PAFAH1B1: variants seen among roughly 807,000 people sequenced by gnomAD.
The protein encoded by PAFAH1B1 is platelet-activating factor acetylhydrolase IB subunit beta.
PAFAH1B1 carries 2 observed loss-of-function variants against 57.5 expected under a neutral mutation model. The observed-to-expected ratio is 0.03, with a 90% CI of 0.01 to 0.11. The LOEUF (loss-of-function observed/expected upper bound fraction) is 0.11. Ranked by LOEUF, PAFAH1B1 falls within the 10% of genes least tolerant of loss-of-function variation. The probability of loss-of-function intolerance (pLI) is 1.00; values close to 1 mark genes in which losing one functional copy is unlikely to be tolerated. For synonymous variants in PAFAH1B1, 152 were observed against 169.6 expected, an observed-to-expected ratio of 0.90 and a Z score of 0.81; for missense variants, 257 against 512.0, an observed-to-expected ratio of 0.50 and a Z score of 4.81.
chr17:2,643,046 C>T (rs74252325), intron 2 of PAFAH1B1, among the ~76,000 whole-genome samples: 24,506 of 151,880 alleles, frequency 0.16, 2,437 homozygotes, highest in South Asian at 0.24. Context: ...CTTATTTCTC[C>T]CTCTTTCTTA....
At chr17:2,681,157 C>G (rs2069378385) in intron 10 of PAFAH1B1, 1 of 152,708 alleles carries the variant, frequency 6.5e-6, no homozygotes, top group South Asian at 2.1e-4. Flanking sequence ...GTCAAAACTC[C>G]CTTGCTGATC....
intron 2 of PAFAH1B1, among the ~76,000 whole-genome samples, chr17:2,662,938 A>ACCT (rs1004873780): frequency 1.3e-5 from 2 of 150,902 alleles, no homozygotes; most frequent in Non-Finnish European, 3.0e-5. Flanking sequence ...ACATGGAGAA[A>ACCT]CCCCGTCTCT....
intron 1 of PAFAH1B1, among the ~76,000 whole-genome samples, chr17:2,615,312 A>G (rs1289253601): frequency 6.6e-6 from 1 of 152,214 alleles, no homozygotes; most frequent in Non-Finnish European, 1.5e-5. Flanking sequence ...ATAATATACA[A>G]CAACTGATAT....
intron 1 of PAFAH1B1, among the ~76,000 whole-genome samples, chr17:2,595,648 T>G (rs1470509915): frequency 6.6e-6 from 1 of 152,192 alleles, no homozygotes. Context: ...CAAATTGCAG[T>G]TTTTAATAAA....
chr17:2,676,507 TA>T lies in PAFAH1B1; in HGVS notation c.910del (p.Ser304ValfsTer29), dbSNP rs587784292. ...AATTTTTATTATGTTTTCTGTAGAC[TA>T]AAAAAAGTGGTAAACCTGGGCCATT... is the stretch of plus-strand genomic sequence containing the variant. ...SISEATGSET[K>X]KSGKPGPFLL... On this transcript the variant is annotated frameshift_variant, in exon 9 of 11. Transcript: ENST00000397195. LOFTEE classifies it high-confidence loss of function. 5.6e-6 allele frequency: 9 copies of T among 1,601,982 alleles called. No individual in the cohort carries two copies. Among genetic ancestry groups the T allele is most frequent in the Non-Finnish European group, 7.7e-6 (9 of 1,169,680 alleles).
At chr17:2,680,120 A>G in intron 9 of PAFAH1B1, 44 bp from the exon 10 acceptor site, 1 of 1,561,728 alleles carries the variant, frequency 6.4e-7, no homozygotes, top group African/African-American at 1.4e-5. Context: ...TGCTATTTAA[A>G]CATTTTGCCT....
chr17:2,637,798 T>G (rs1008462832), intron 1 of PAFAH1B1, among the ~76,000 whole-genome samples: 4 of 152,212 alleles, frequency 2.6e-5, no homozygotes, highest in Non-Finnish European at 5.9e-5. Flanking sequence ...ATTACATTCG[T>G]TTAGAGTTAC....
chr17:2,656,107 G>A (rs890681885), intron 2 of PAFAH1B1, among the ~76,000 whole-genome samples: 1 of 151,990 alleles, frequency 6.6e-6, no homozygotes, highest in Admixed American at 6.6e-5. Context: ...TGTATTTTTA[G>A]TAGAGACGGG....
chr17:2,649,166 G>A (rs1465948293), intron 2 of PAFAH1B1, among the ~76,000 whole-genome samples: 1 of 147,972 alleles, frequency 6.8e-6, no homozygotes, highest in Admixed American at 6.8e-5. Context: ...GCAGTGAGGC[G>A]AGATCATGCC....
rs148223605 is a variant in PAFAH1B1, at chr17:2,655,048, C to T, written c.33-10324C>T. On this transcript the variant is annotated intron_variant, in intron 2 of 10. Transcript: ENST00000397195. ...CTCTGGGGCTCAAACAATCCTCCCG[C>T]ATTGGCCTTTCAAAGTGCTGGGATT... Among the ~76,000 whole-genome samples the T allele has an allele frequency of 1.9e-4, 29 of 151,570 alleles. No individual in the cohort carries two copies. The East Asian group carries it at 4.8e-3, about 25-fold the overall frequency.
intron 2 of PAFAH1B1, among the ~76,000 whole-genome samples, chr17:2,656,929 G>T (rs1424117913): frequency 6.7e-6 from 1 of 149,280 alleles, no homozygotes; most frequent in Non-Finnish European, 1.5e-5. Flanking sequence ...ATTTAGAGCA[G>T]TTTTTTTTTT....
intron 1 of PAFAH1B1, among the ~76,000 whole-genome samples, chr17:2,597,253 CTT>C (rs1345168069): frequency 6.6e-6 from 1 of 151,948 alleles, no homozygotes; most frequent in Non-Finnish European, 1.5e-5. Context: ...GTATAGAACT[CTT>C]AATGAGATTG....
rs113994198 is a variant in PAFAH1B1 at position 2,666,052 on chromosome 17, G to GA, written c.162dup (p.Trp55MetfsTer6). The GA allele has an allele frequency of 2.4e-5, 37 of 1,515,270 alleles. No homozygotes were observed. Among genetic ancestry groups the GA allele is most frequent in the Admixed American group, 3.6e-5 (2 of 54,976 alleles). The allele number at this position is 1,515,270 out of a possible 1,614,324, so 93.9% of individuals were successfully genotyped here. On this transcript the variant is annotated frameshift_variant, in exon 4 of 11. Transcript: ENST00000397195. LOFTEE classifies it high-confidence loss of function. ...AGATAAAAAGTATGCTGGTCTTTTG[G>GA]AAAAAAAATGGACATCTGTTATTAG... is the stretch of plus-strand genomic sequence containing the variant.
rs1007409071 is a variant in PAFAH1B1, at chr17:2,657,483, A to G, written c.33-7889A>G. On this transcript the variant is annotated intron_variant, in intron 2 of 10. Coordinates refer to ENST00000397195, the MANE Select transcript of PAFAH1B1 (RefSeq NM_000430.4). ...GGTCTCAAACTCCTGACCTCAAGTG[A>G]TCCACCCACCTCAGTCTCCCAAAGT... Among the ~76,000 whole-genome samples the G allele has an allele frequency of 9.2e-5, 14 of 152,190 alleles. No individual in the cohort carries two copies. In the East Asian group the frequency reaches 2.7e-3, roughly 29 times the overall value.
At chr17:2,674,337 T>C in intron 8 of PAFAH1B1, 49 bp downstream of exon 8, 1 of 1,376,842 alleles carries the variant, frequency 7.3e-7, no homozygotes, top group East Asian at 2.3e-5. Flanking sequence ...ATATCTGAAG[T>C]CCTTAGATAA....
intron 1 of PAFAH1B1, among the ~76,000 whole-genome samples, chr17:2,608,733 T>A (rs1376512423): frequency 6.6e-6 from 1 of 152,250 alleles, no homozygotes; most frequent in Non-Finnish European, 1.5e-5. Context: ...CACTCCAACC[T>A]GGACAACCGG....
chr17:2,634,284 C>T (rs1383241439), intron 1 of PAFAH1B1, among the ~76,000 whole-genome samples: 1 of 152,068 alleles, frequency 6.6e-6, no homozygotes, highest in Non-Finnish European at 1.5e-5. Context: ...TACAGGTGCT[C>T]GCCACCATGC....
intron 9 of PAFAH1B1, among the ~76,000 whole-genome samples, chr17:2,679,377 A>G (rs112377364): frequency 2.9e-3 from 26 of 8,922 alleles, no homozygotes; most frequent in Non-Finnish European, 0.011. Context: ...TAGATGGATG[A>G]ATGATTGGAT....
At chr17:2,677,527 CAT>C (rs35632355) in intron 9 of PAFAH1B1, among the ~76,000 whole-genome samples, 9,734 of 152,182 alleles carry the variant, frequency 0.064, 314 homozygotes, top group South Asian at 0.082. Context: ...ATATGACAGA[CAT>C]ATGTGGAAGC....
Sources: allele counts gnomAD v4.1 joint callset (sites outside exome capture counted in the v4.1 genomes callset), GRCh38; gene constraint gnomAD v4.1.1; transcripts MANE v1.5; gene names NCBI Gene and HGNC (gene_info 2026-07-23, HGNC 2026-07-21).